The following KMT2A variants were observed in gnomAD, a reference collection of about 807,000 sequenced individuals.
KMT2A encodes histone-lysine N-methyltransferase 2A.
In KMT2A, 16 loss-of-function variants were observed where a neutral mutation model predicts 345.3. The observed-to-expected ratio is 0.05, with a 90% CI of 0.03 to 0.07. The LOEUF is 0.07. KMT2A is among the 10% of genes least tolerant of loss of function. The pLI is 1.00. For missense variants in KMT2A, 3,272 were observed against 4,841.6 expected (o/e 0.68, Z 9.62); for synonymous variants, 1,599 against 1,778.6 (o/e 0.90, Z 2.54).
chr11:118,473,209 T>C lies in KMT2A; in HGVS notation c.2050T>C (p.Ser684Pro), dbSNP rs1466525820. The C allele has an allele frequency of 6.2e-7, 1 of 1,613,276 alleles. No homozygotes were observed. Among genetic ancestry groups the C allele is most frequent in the East Asian group, 2.2e-5 (1 of 44,890 alleles). Residue 684 changes from serine (S) to proline (P), a missense_variant, in exon 3 of 36, where the codon TCT becomes CCT. By Grantham distance (74) the Ser-to-Pro change is moderately conservative (BLOSUM62 -1). Around this residue, in one of 27 missense-constraint regions of KMT2A, gnomAD observed 114 missense variants for 203.2 expected, o/e 0.56. Coordinates refer to ENST00000534358, the MANE Select transcript of KMT2A (RefSeq NM_001197104.2). This position sits in a 1 kb window ranked among gnomAD's most constrained non-coding sequence, Gnocchi z 5.2. ...ASARLFSPLH[S>P]GTRFDMHKRS... ...AGCCCGATTGTTTTCGCCACTCCAT[T>C]CTGGAACAAGGTTTGATATGCACAA...
chr11:118,525,549 C>T lies in KMT2A; in HGVS notation c.*3377C>T. On this transcript the variant is annotated 3_prime_UTR_variant, in exon 36 of 36. Transcript: ENST00000534358. ...AGCCCGCCACCCTGCTCGCCTCCGT[C>T]AAACCCCCGGCCAATGCAGTGAGCA... is the stretch of plus-strand genomic sequence containing the variant. The T allele has an allele frequency of 4.5e-6, 1 of 221,246 alleles. No homozygotes were observed. The allele number at this position is 221,246 out of a possible 1,614,324, so 13.7% of individuals were successfully genotyped here.
At chr11:118,461,087 C>A (rs1949735695) in intron 1 of KMT2A, among the ~76,000 whole-genome samples, 1 of 152,086 alleles carries the variant, frequency 6.6e-6, no homozygotes, top group African/African-American at 2.4e-5. Flanking sequence ...TTCTAATATA[C>A]CTTATATTTT....
At chr11:118,441,366 G>GA (rs35733051) in intron 1 of KMT2A, among the ~76,000 whole-genome samples, 2 of 152,008 alleles carry the variant, frequency 1.3e-5, no homozygotes, top group Non-Finnish European at 2.9e-5. Context: ...TCGTTGTGTG[G>GA]AAAAAACATA....
chr11:118,490,023 C>A lies in KMT2A; in HGVS notation c.4576-106C>A. Reference sequence around the variant, plus strand: ...TTGCCTCATTACTAGGAAATCATCTCAGCAGAGAAATTAAATCTATAAATG... The same window carrying A: ...TTGCCTCATTACTAGGAAATCATCTAAGCAGAGAAATTAAATCTATAAATG... On this transcript the variant is annotated intron_variant, in intron 12 of 35. Coordinates refer to ENST00000534358, the MANE Select transcript of KMT2A (RefSeq NM_001197104.2). The surrounding 1 kb of genome is among the most constrained non-coding windows in gnomAD (Gnocchi z 4.2). The A allele has an allele frequency of 7.0e-7, 1 of 1,434,398 alleles. No individual in the cohort carries two copies. 88.9% of individuals were successfully genotyped at this position (1,434,398 alleles called of 1,614,324 possible). A position where few individuals can be genotyped will look rare whatever the true frequency, so the allele number is the denominator to read the frequency against.
intron 3 of KMT2A, 44 bp downstream of exon 3, chr11:118,474,359 G>T: frequency 6.3e-7 from 1 of 1,578,436 alleles, no homozygotes; most frequent in East Asian, 2.2e-5. Context: ...AGTTTATTGA[G>T]CCCTTTCTAT....
chr11:118,474,691 G>A (rs1162659219), intron 3 of KMT2A, among the ~76,000 whole-genome samples: 1 of 152,126 alleles, frequency 6.6e-6, no homozygotes, highest in African/African-American at 2.4e-5. Context: ...AATTAAACCA[G>A]GGACTTAATT....
rs144359798 is a variant in KMT2A, at chr11:118,500,417, G to A, written c.6158+504G>A. On this transcript the variant is annotated intron_variant, in intron 24 of 35. Coordinates refer to ENST00000534358, the MANE Select transcript of KMT2A (RefSeq NM_001197104.2). ...TCAAAATTCCCCTTCTACCACTCCC[G>A]CGTTGGAGTCTCATTTTGCAATATA... Among the ~76,000 whole-genome samples the A allele has an allele frequency of 8.1e-3, 1,228 of 152,198 alleles. 8 individuals are homozygous for A. Among genetic ancestry groups the A allele is most frequent in the Non-Finnish European group, 0.012 (815 of 68,006 alleles).
rs1420905512 is a variant in KMT2A, at chr11:118,525,117, C to A, written c.*2945C>A. 4.4e-6 allele frequency: 1 copy of A among 225,292 alleles called. No individual in the cohort carries two copies. Among genetic ancestry groups the A allele is most frequent in the Non-Finnish European group, 8.9e-6 (1 of 112,836 alleles). The allele number at this position is 225,292 out of a possible 1,614,324, so 14.0% of individuals were successfully genotyped here. On this transcript the variant is annotated 3_prime_UTR_variant, in exon 36 of 36. Coordinates refer to ENST00000534358, the MANE Select transcript of KMT2A (RefSeq NM_001197104.2). ...GGGAAAGAAGGCAAAAACGGCACAG[C>A]TATCTCCAAACACATCTGAGTTCAT...
chr11:118,524,651 TTTA>T lies in KMT2A; in HGVS notation c.*2485_*2487del, dbSNP rs1951042862. ...GGGGTTCCACTAGTGTCTGCTTTCC[TTTA>T]TTATTGCACTGTGTGAGGTTTTTTT... On this transcript the variant is annotated 3_prime_UTR_variant, in exon 36 of 36. Coordinates refer to ENST00000534358, the MANE Select transcript of KMT2A (RefSeq NM_001197104.2). 1 of 180,194 alleles carries T rather than the reference TTTA, an allele frequency of 5.5e-6. No homozygotes were observed. Among genetic ancestry groups the T allele is most frequent in the Non-Finnish European group, 1.2e-5 (1 of 83,930 alleles). 11.2% of individuals were successfully genotyped at this position (180,194 alleles called of 1,614,324 possible).
At position 118,491,677 on chromosome 11, in the gene KMT2A, A is replaced by G; in HGVS notation, c.4820-67A>G. The G allele has an allele frequency of 8.2e-7, 1 of 1,219,774 alleles. No homozygotes were observed. Among genetic ancestry groups the G allele is most frequent in the South Asian group, 1.5e-5 (1 of 66,954 alleles). 75.6% of individuals were successfully genotyped at this position (1,219,774 alleles called of 1,614,324 possible). On this transcript the variant is annotated intron_variant, in intron 14 of 35. Coordinates refer to ENST00000534358, the MANE Select transcript of KMT2A (RefSeq NM_001197104.2). This position sits in a 1 kb window ranked among gnomAD's most constrained non-coding sequence, Gnocchi z 4.2. ...GGCTTTATAGTAAGTTCAGTGGAAT[A>G]GTTTCCTCTTCTTCCTCTCTCTCAT...
intron 1 of KMT2A, among the ~76,000 whole-genome samples, chr11:118,453,610 T>C (rs1555029706): frequency 6.6e-6 from 1 of 152,200 alleles, no homozygotes; most frequent in Non-Finnish European, 1.5e-5. Flanking sequence ...GAAATCTTTT[T>C]CTCTAACACT....
At position 118,522,088 on chromosome 11, in the gene KMT2A, C is replaced by T. The variant is rs781977882; in HGVS notation, c.11835C>T (p.Tyr3945=). The T allele has an allele frequency of 1.7e-5, 27 of 1,614,070 alleles. No individual in the cohort carries two copies. Among genetic ancestry groups the T allele is most frequent in the Middle Eastern group, 3.3e-4 (2 of 6,084 alleles). ...RKIYRGEELT[Y]DYKFPIEDAS... is the part of the protein sequence containing the mutation. ...TCTACCGAGGAGAGGAACTCACTTA[C>T]GACTATAAGTTCCCCATTGAGGATG... The change falls in exon 36 of 36, where the codon TAC becomes TAT. Residue 3945 remains tyrosine, a synonymous_variant. Coordinates refer to ENST00000534358, the MANE Select transcript of KMT2A (RefSeq NM_001197104.2). This position sits in a 1 kb window ranked among gnomAD's most constrained non-coding sequence, Gnocchi z 5.4.
intron 1 of KMT2A, among the ~76,000 whole-genome samples, chr11:118,440,825 C>T (rs1277056589): frequency 6.8e-6 from 1 of 147,670 alleles, no homozygotes; most frequent in Non-Finnish European, 1.5e-5. Context: ...ATGTATGTAC[C>T]AAGAGTGGGA....
chr11:118,482,130 A>C lies in KMT2A; in HGVS notation c.4012+38A>C, dbSNP rs550762734. The C allele has an allele frequency of 1.6e-5, 25 of 1,554,076 alleles. 1 individual carries two copies. In the South Asian group the frequency reaches 2.0e-4, roughly 12 times the overall value. ...GGCAAGAAGGAATTGCTGAACCACAAGTACTAACAAAAAAGCACTGATGTC... is the reference window on the plus strand; with the variant it reads ...GGCAAGAAGGAATTGCTGAACCACACGTACTAACAAAAAAGCACTGATGTC... On this transcript the variant is annotated intron_variant, in intron 7 of 35. Coordinates refer to ENST00000534358, the MANE Select transcript of KMT2A (RefSeq NM_001197104.2).
At position 118,526,237 on chromosome 11, in the gene KMT2A, A is replaced by G. The variant is rs186509514; in HGVS notation, c.*4065A>G. 8.2e-5 allele frequency: 18 copies of G among 219,064 alleles called. No homozygotes were observed. The highest frequency in any genetic ancestry group is 1.7e-4 in the Admixed American group (3 of 17,342). 13.6% of individuals were successfully genotyped at this position (219,064 alleles called of 1,614,324 possible). A position where few individuals can be genotyped will look rare whatever the true frequency, so the allele number is the denominator to read the frequency against. On this transcript the variant is annotated 3_prime_UTR_variant, in exon 36 of 36. Coordinates refer to ENST00000534358, the MANE Select transcript of KMT2A (RefSeq NM_001197104.2). The stretch of plus-strand genomic sequence containing the variant: ...GTGTCACCTGGATTTTTTTCTGCCC[A>G]TGAATGTTGCCAGTCAGTACCTGTC...
chr11:118,494,773 T>C lies in KMT2A; in HGVS notation c.5363+6T>C. 1 of 1,609,860 alleles carries C rather than the reference T, an allele frequency of 6.2e-7. No individual in the cohort carries two copies. Among genetic ancestry groups the C allele is most frequent in the Non-Finnish European group, 8.5e-7 (1 of 1,176,250 alleles). ...CCAAATAAAGTATCAAGCAAGTAAG[T>C]GAATTTAGCATAACTTTTTTTTCTC... On this transcript the variant is annotated splice_donor_region_variant and intron_variant, in intron 18 of 35. Transcript: ENST00000534358. This position sits in a 1 kb window ranked among gnomAD's most constrained non-coding sequence, Gnocchi z 5.8.
chr11:118,477,968 C>G lies in KMT2A; in HGVS notation c.3336C>G (p.Asp1112Glu). The change falls in exon 5 of 36, where the codon GAC (aspartate) becomes GAG (glutamate). Residue 1112 changes from aspartate to glutamate, a missense_variant and splice_region_variant. By Grantham distance (45) the Asp-to-Glu change is conservative. Coordinates refer to ENST00000534358, the MANE Select transcript of KMT2A (RefSeq NM_001197104.2). Reference protein sequence around the residue: ...EKILSSMGNDDKSSIAGSEDA... With the variant: ...EKILSSMGNDEKSSIAGSEDA... ...ACTAATGCCACATTTCTTTAACAGA[C>G]AAGTCATCAATTGCTGGCTCAGAAG... 6.2e-7 allele frequency: 1 copy of G among 1,613,214 alleles called. No individual in the cohort carries two copies. The highest frequency in any genetic ancestry group is 8.5e-7 in the Non-Finnish European group (1 of 1,179,206).
intron 1 of KMT2A, among the ~76,000 whole-genome samples, chr11:118,465,518 ATTAT>A (rs1309600570): frequency 6.6e-6 from 1 of 152,196 alleles, no homozygotes; most frequent in African/African-American, 2.4e-5. Context: ...TTTCACATAA[ATTAT>A]TTATTCCTTA....
At chr11:118,461,069 A>T (rs1480790065) in intron 1 of KMT2A, among the ~76,000 whole-genome samples, 1 of 152,232 alleles carries the variant, frequency 6.6e-6, no homozygotes, top group East Asian at 1.9e-4. Context: ...ACAGAATTTC[A>T]TGTATTTTTC....
Sources: gnomAD v4.1 joint callset for allele counts (sites outside exome capture counted in the v4.1 genomes callset) on GRCh38, gnomAD v4.1.1 for gene constraint, gnomAD v4.1.1 regional missense constraint, Gnocchi (gnomAD v3.1) non-coding constraint, MANE v1.5 for transcripts, NCBI Gene and HGNC (gene_info 2026-07-23, HGNC 2026-07-21) for gene names.